Variants in NEGR1 observed in about 807,000 individuals in gnomAD.
NEGR1 encodes IgLON family member 4.
Under a neutral mutation model 40.9 loss-of-function variants are expected in NEGR1, and 10 were observed. The observed-to-expected ratio is 0.24, with a 90% confidence interval of 0.15 to 0.42. The LOEUF is 0.42. Among genes scored for constraint, NEGR1 ranks in the 10% least tolerant of loss-of-function variants. The pLI, the probability that NEGR1 is intolerant of heterozygous loss-of-function variation, is 1.00. For synonymous variants in NEGR1, 185 were observed against 166.8 expected (o/e 1.11, Z -0.84); for missense variants, 352 against 438.9 (o/e 0.80, Z 1.77).
At chr1:71,853,352 C>G (rs907811241) in intron 2 of NEGR1, among the ~76,000 whole-genome samples, 4 of 151,862 alleles carry the variant, frequency 2.6e-5, no homozygotes, top group Non-Finnish European at 2.9e-5. Context: ...TCTTGTTATT[C>G]CACGTAAAGA....
chr1:72,201,302 T>G (rs1653195078), intron 1 of NEGR1, among the ~76,000 whole-genome samples: 1 of 150,670 alleles, frequency 6.6e-6, no homozygotes, highest in African/African-American at 2.4e-5. Context: ...TAAAAAATAA[T>G]TTTTTTATAT....
chr1:71,724,768 A>G (rs1654619825), intron 3 of NEGR1, among the ~76,000 whole-genome samples: 1 of 151,956 alleles, frequency 6.6e-6, no homozygotes, highest in African/African-American at 2.4e-5. Context: ...AGCCTCTGGT[A>G]TTTGCTTCAT....
intron 1 of NEGR1, among the ~76,000 whole-genome samples, chr1:72,024,453 A>G (rs1245451008): frequency 6.6e-6 from 1 of 152,072 alleles, no homozygotes; most frequent in African/African-American, 2.4e-5. Context: ...ATGAGCTATA[A>G]AATAAAATAA....
At chr1:71,898,961 TA>T (rs1661057799) in intron 2 of NEGR1, among the ~76,000 whole-genome samples, 5 of 84,718 alleles carry the variant, frequency 5.9e-5, no homozygotes, top group East Asian at 5.6e-4. Context: ...TATATATATA[TA>T]GCATATATAT....
intron 1 of NEGR1, among the ~76,000 whole-genome samples, chr1:72,137,837 A>G (rs1296902445): frequency 1.3e-5 from 2 of 152,156 alleles, no homozygotes; most frequent in African/African-American, 2.4e-5. Context: ...CATACAGAAG[A>G]CCACTTGTGT....
intron 1 of NEGR1, among the ~76,000 whole-genome samples, chr1:72,024,629 A>G (rs762744294): frequency 4.6e-5 from 7 of 152,162 alleles, no homozygotes; most frequent in Non-Finnish European, 1.0e-4. Flanking sequence ...AAATTTCCAA[A>G]TGATTTTCCT....
intron 4 of NEGR1, among the ~76,000 whole-genome samples, chr1:71,617,484 C>T (rs1045203608): frequency 1.3e-5 from 2 of 152,192 alleles, no homozygotes; most frequent in African/African-American, 4.8e-5. Flanking sequence ...CCAACCAACA[C>T]CACAGCTGCA....
intron 2 of NEGR1, among the ~76,000 whole-genome samples, chr1:71,823,638 G>C (rs1028658458): frequency 6.6e-6 from 1 of 151,946 alleles, no homozygotes; most frequent in Non-Finnish European, 1.5e-5. Context: ...CTAAGGACAG[G>C]TTACCTAAAT....
chr1:71,592,710 C>A, intron 6 of NEGR1, 107 bp downstream of exon 6: 1 of 798,596 alleles, frequency 1.3e-6, no homozygotes, highest in Admixed American at 2.3e-5. Flanking sequence ...TGTGTCACAT[C>A]AGGTTGAGTT....
chr1:72,255,709 C>A (rs1048393164), intron 1 of NEGR1, among the ~76,000 whole-genome samples: 1 of 152,014 alleles, frequency 6.6e-6, no homozygotes, highest in East Asian at 1.9e-4. Flanking sequence ...CACCACCACA[C>A]CCAGCAATTC....
At chr1:72,019,759 A>G (rs1023583655) in intron 1 of NEGR1, among the ~76,000 whole-genome samples, 2 of 152,220 alleles carry the variant, frequency 1.3e-5, no homozygotes, top group Non-Finnish European at 2.9e-5. Flanking sequence ...TAAATTTCAA[A>G]CTATGCATTT....
intron 6 of NEGR1, among the ~76,000 whole-genome samples, chr1:71,568,801 T>G (rs1648708915): frequency 1.4e-5 from 1 of 69,176 alleles, no homozygotes. Context: ...GTTTTATATG[T>G]ATGTGTGTGT....
chr1:72,114,225 C>T (rs939967021), intron 1 of NEGR1, among the ~76,000 whole-genome samples: 7 of 151,418 alleles, frequency 4.6e-5, no homozygotes, highest in Non-Finnish European at 8.9e-5. Context: ...AGCATATTAC[C>T]CTCCATAATA....
intron 6 of NEGR1, among the ~76,000 whole-genome samples, chr1:71,533,438 A>T (rs1647417111): frequency 6.6e-6 from 1 of 151,680 alleles, no homozygotes; most frequent in African/African-American, 2.4e-5. Context: ...TTGGCCACAT[A>T]GAGGACCAAT....
intron 2 of NEGR1, among the ~76,000 whole-genome samples, chr1:71,813,570 G>C (rs370323609): frequency 6.6e-6 from 1 of 152,202 alleles, no homozygotes; most frequent in South Asian, 2.1e-4. Context: ...CATGAGAATG[G>C]AATGTTCTTC....
chr1:72,265,995 T>C (rs1655625761), intron 1 of NEGR1, among the ~76,000 whole-genome samples: 1 of 150,910 alleles, frequency 6.6e-6, no homozygotes, highest in Admixed American at 6.6e-5. Flanking sequence ...TACTTTGAGA[T>C]AGCATTAAAT....
At chr1:72,126,088 AGTATGTGTGTGTGT>A (rs1476294419) in intron 1 of NEGR1, among the ~76,000 whole-genome samples, 21 of 129,322 alleles carry the variant, frequency 1.6e-4, no homozygotes, top group South Asian at 2.6e-4. Context: ...ATTAGAGAAA[AGTATGTGTGTGTGT>A]GTGTGTGTGT....
intron 1 of NEGR1, among the ~76,000 whole-genome samples, chr1:72,028,409 C>T (rs764977015): frequency 6.6e-6 from 1 of 152,196 alleles, no homozygotes; most frequent in Non-Finnish European, 1.5e-5. Context: ...ACATAGAACA[C>T]ACATAAAAGT....
intron 6 of NEGR1, among the ~76,000 whole-genome samples, chr1:71,540,873 T>G (rs890620995): frequency 6.6e-6 from 1 of 151,546 alleles, no homozygotes; most frequent in Non-Finnish European, 1.5e-5. Flanking sequence ...CAAGGATCTT[T>G]TATTTAGGGT....
Sources: allele counts gnomAD v4.1 joint callset (sites outside exome capture counted in the v4.1 genomes callset), GRCh38; gene constraint gnomAD v4.1.1; transcripts MANE v1.5; gene names NCBI Gene and HGNC (gene_info 2026-07-23, HGNC 2026-07-21).